Variants in MSH3 observed in about 807,000 individuals in gnomAD.
MSH3 encodes the protein DNA mismatch repair protein Msh3.
Under a neutral mutation model 123.3 loss-of-function variants are expected in MSH3, and 106 were observed. The observed-to-expected ratio is 0.86, with a 90% confidence interval of 0.73 to 1.01. MSH3 has a LOEUF of 1.01. Among genes scored for constraint, MSH3 ranks in the 50% least tolerant of loss-of-function variants. MSH3 has a pLI of 0.00. For synonymous variants in MSH3, 515 were observed against 481.4 expected, an observed-to-expected ratio of 1.07 and a Z score of -0.91; for missense variants, 1,459 against 1,347.6, an observed-to-expected ratio of 1.08 and a Z score of -1.29.
At chr5:80,695,791 T>C (rs927157177) in intron 8 of MSH3, among the ~76,000 whole-genome samples, 2 of 152,236 alleles carry the variant, frequency 1.3e-5, no homozygotes, top group African/African-American at 2.4e-5. Flanking sequence ...ATCTCTGTTA[T>C]CTTGGTGTTG....
At chr5:80,802,058 C>A (rs1176275931) in intron 19 of MSH3, among the ~76,000 whole-genome samples, 2 of 152,074 alleles carry the variant, frequency 1.3e-5, no homozygotes, top group Non-Finnish European at 2.9e-5. Context: ...GCTGTAGAAT[C>A]CATTTACAAA....
At chr5:80,835,219 T>G (rs1481985001) in intron 20 of MSH3, among the ~76,000 whole-genome samples, 1 of 152,232 alleles carries the variant, frequency 6.6e-6, no homozygotes, top group Non-Finnish European at 1.5e-5. Flanking sequence ...AGCAATTGGC[T>G]TTTGTTGTTT....
chr5:80,802,564 T>C (rs1484264521), intron 19 of MSH3, among the ~76,000 whole-genome samples: 2 of 152,182 alleles, frequency 1.3e-5, no homozygotes, highest in African/African-American at 2.4e-5. Flanking sequence ...TTATCCTTTC[T>C]TTATGTTACA....
chr5:80,860,325 GA>G (rs1265748326), intron 21 of MSH3, among the ~76,000 whole-genome samples: 2 of 152,044 alleles, frequency 1.3e-5, no homozygotes, highest in African/African-American at 4.8e-5. Flanking sequence ...AACATTTCAG[GA>G]TAGATCTGCT....
At chr5:80,836,543 C>CAAAAAAAAAAAA (rs71603568) in intron 20 of MSH3, among the ~76,000 whole-genome samples, 1 of 118,822 alleles carries the variant, frequency 8.4e-6, no homozygotes, top group Non-Finnish European at 1.7e-5. Context: ...GAATATGCCA[C>CAAAAAAAAAAAA]AAAAAAAAAA....
chr5:80,705,074 A>G (rs1397312536), intron 8 of MSH3, among the ~76,000 whole-genome samples: 1 of 152,258 alleles, frequency 6.6e-6, no homozygotes, highest in Non-Finnish European at 1.5e-5. Flanking sequence ...CAAGCATTAA[A>G]TGAGTTAATA....
intron 3 of MSH3, among the ~76,000 whole-genome samples, chr5:80,667,181 A>T (rs1030902461): frequency 6.6e-6 from 1 of 152,220 alleles, no homozygotes; most frequent in African/African-American, 2.4e-5. Context: ...CTGGAAGCTT[A>T]TCTCATTTCC....
At chr5:80,664,449 C>T (rs1650671) in intron 2 of MSH3, among the ~76,000 whole-genome samples, 42,123 of 151,794 alleles carry the variant, frequency 0.28, 6,078 homozygotes, top group Middle Eastern at 0.35. Context: ...CTGGAGAGGC[C>T]GTGGATCTCA....
chr5:80,699,936 T>C (rs1210801236), intron 8 of MSH3, among the ~76,000 whole-genome samples: 1 of 152,186 alleles, frequency 6.6e-6, no homozygotes, highest in East Asian at 1.9e-4. Context: ...AGGAAATCTC[T>C]TTTTTTCTTT....
intron 8 of MSH3, among the ~76,000 whole-genome samples, chr5:80,708,625 G>T (rs1046930073): frequency 6.6e-6 from 1 of 152,046 alleles, no homozygotes; most frequent in African/African-American, 2.4e-5. Flanking sequence ...TCTCACTTAT[G>T]TTGCCCAAGC....
intron 15 of MSH3, among the ~76,000 whole-genome samples, chr5:80,774,860 C>CA (rs910283485): frequency 6.6e-6 from 1 of 151,348 alleles, no homozygotes; most frequent in Non-Finnish European, 1.5e-5. Flanking sequence ...TTAATGGATA[C>CA]AAAAAAACCA....
intron 2 of MSH3, 53 bp from the exon 3 acceptor site, chr5:80,665,090 A>G: frequency 1.4e-6 from 2 of 1,418,738 alleles, no homozygotes; most frequent in African/African-American, 1.4e-5. Flanking sequence ...ATGAATTGAC[A>G]TAATGAGACC....
intron 20 of MSH3, among the ~76,000 whole-genome samples, chr5:80,830,506 G>T (rs1331849412): frequency 6.6e-6 from 1 of 152,160 alleles, no homozygotes; most frequent in Non-Finnish European, 1.5e-5. Context: ...TCATCTTATT[G>T]ATTTATCTGA....
At chr5:80,802,413 T>TA (rs141558071) in intron 19 of MSH3, among the ~76,000 whole-genome samples, 12,428 of 149,280 alleles carry the variant, frequency 0.083, 861 homozygotes, top group East Asian at 0.32. Flanking sequence ...ATTGATTCTT[T>TA]AAAAAAACAA....
intron 20 of MSH3, among the ~76,000 whole-genome samples, chr5:80,849,983 A>G (rs988712329): frequency 3.3e-5 from 5 of 152,160 alleles, no homozygotes; most frequent in African/African-American, 1.2e-4. Flanking sequence ...ACAGCACCCA[A>G]GTCACCTCTT....
chr5:80,664,996 C>G (rs1362751015), intron 2 of MSH3, 147 bp from the exon 3 acceptor site: 3 of 648,262 alleles, frequency 4.6e-6, no homozygotes, highest in Non-Finnish European at 5.3e-6. Context: ...CCCAGTGTTT[C>G]TTTCTTTTTT....
At chr5:80,858,559 G>C (rs1334906706) in intron 21 of MSH3, among the ~76,000 whole-genome samples, 1 of 151,972 alleles carries the variant, frequency 6.6e-6, no homozygotes, top group Non-Finnish European at 1.5e-5. Flanking sequence ...ATTCCATTGT[G>C]GTATGAGATC....
chr5:80,822,540 C>T (rs1427256453), intron 20 of MSH3, among the ~76,000 whole-genome samples: 1 of 152,120 alleles, frequency 6.6e-6, no homozygotes, highest in Non-Finnish European at 1.5e-5. Context: ...TCGGTTTTTG[C>T]ACCTATAAAA....
chr5:80,835,784 A>C (rs946231400), intron 20 of MSH3, among the ~76,000 whole-genome samples: 2 of 152,074 alleles, frequency 1.3e-5, no homozygotes, highest in African/African-American at 4.8e-5. Flanking sequence ...GCATGGTGGC[A>C]CATTCCTATA....
Sources: allele counts gnomAD v4.1 joint callset (sites outside exome capture counted in the v4.1 genomes callset), GRCh38; gene constraint gnomAD v4.1.1; transcripts MANE v1.5; gene names NCBI Gene and HGNC (gene_info 2026-07-23, HGNC 2026-07-21).